The following KCNA4 variants were observed in gnomAD, a reference collection of about 807,000 sequenced individuals.
KCNA4 encodes the protein potassium voltage-gated channel subfamily A member 4, also known as cardiac potassium channel.
A neutral mutation model predicts 37.2 loss-of-function variants in KCNA4; 5 were observed. The ratio of observed to expected loss-of-function variants is 0.13; its 90% CI spans 0.07 to 0.28. KCNA4 has a LOEUF of 0.28. KCNA4 is among the 10% of genes least tolerant of loss of function. The pLI, the probability that KCNA4 is intolerant of heterozygous loss-of-function variation, is 1.00. For synonymous variants in KCNA4, 350 were observed against 311.8 expected (o/e 1.12, Z -1.29); for missense variants, 634 against 817.4 (o/e 0.78, Z 2.74).
At position 30,009,739 on chromosome 11, in the gene KCNA4, A is replaced by G. The variant is rs1468485796; in HGVS notation, c.*978T>C. 1 of 152,186 alleles carries G rather than the reference A, an allele frequency of 6.6e-6. No homozygotes were observed. Among genetic ancestry groups the G allele is most frequent in the Non-Finnish European group, 1.5e-5 (1 of 68,014 alleles). The allele number at this position is 152,186 out of a possible 1,614,324, so 9.4% of individuals were successfully genotyped here. The stretch of plus-strand genomic sequence containing the variant: ...CATTCTAACAGACCAATTTCAAAAG[A>G]TTCAGTTGCTAAATTTTACTTCATA... On this transcript the variant is annotated 3_prime_UTR_variant, in exon 2 of 2. Coordinates refer to ENST00000328224, the MANE Select transcript of KCNA4 (RefSeq NM_002233.4).
intron 1 of KCNA4, among the ~76,000 whole-genome samples, chr11:30,013,934 G>C (rs1850329174): frequency 6.6e-6 from 1 of 151,926 alleles, no homozygotes; most frequent in Non-Finnish European, 1.5e-5. Context: ...CACTGGGGAA[G>C]TCAGAAAAAA....
In KCNA4 at chr11:30,010,783, C is replaced by T; in HGVS notation, c.1896G>A (p.Lys632=). ...TTTTATCTGTCTCACTGTCATCCCC[C>T]TTTCCCTGACACTTCTCCTCCTTTG... ...LCAKEEKCQG[K]GDDSETDKNN... The change falls in exon 2 of 2, where the codon AAG becomes AAA. Residue 632 remains lysine, a synonymous_variant. Transcript: ENST00000328224. 6.2e-7 allele frequency: 1 copy of T among 1,614,156 alleles called. No homozygotes were observed. Among genetic ancestry groups the T allele is most frequent in the East Asian group, 2.2e-5 (1 of 44,882 alleles).
chr11:30,015,793 A>G (rs1410272572), intron 1 of KCNA4, among the ~76,000 whole-genome samples: 1 of 152,112 alleles, frequency 6.6e-6, no homozygotes, highest in Non-Finnish European at 1.5e-5. Flanking sequence ...AGCCTTTATG[A>G]GAGAGATCTT....
Position 30,010,945 on chromosome 11 carries a change from C to A in KCNA4, c.1734G>T (p.Gln578His), listed in dbSNP as rs758039379. ...GACAACTGACTGCATTCTGCGTTAGCTGTGTCTGTTCCTCATTTTCAGTCT... is the reference window on the plus strand; with the variant it reads ...GACAACTGACTGCATTCTGCGTTAGATGTGTCTGTTCCTCATTTTCAGTCT... ...HRETENEEQT[Q>H]LTQNAVSCPY... The change falls in exon 2 of 2, where the codon CAG (glutamine) becomes CAT (histidine). Residue 578 changes from glutamine (Q) to histidine (H), a missense_variant. By Grantham distance (24) the Gln-to-His change is conservative. This residue lies in a region of KCNA4 where 91 missense variants were observed against 95.8 expected (regional missense o/e 0.95). Transcript: ENST00000328224. 1.9e-6 allele frequency: 3 copies of A among 1,614,194 alleles called. No homozygotes were observed. Among genetic ancestry groups the A allele is most frequent in the Non-Finnish European group, 2.5e-6 (3 of 1,180,020 alleles).
intron 1 of KCNA4, among the ~76,000 whole-genome samples, chr11:30,014,680 C>T (rs1187861436): frequency 6.6e-6 from 1 of 152,092 alleles, no homozygotes; most frequent in Non-Finnish European, 1.5e-5. Flanking sequence ...CCTGGCCCTT[C>T]TTCTTCCTTA....
In KCNA4 at chr11:30,016,824, G is replaced by A. The variant is rs1850357169; in HGVS notation, c.-1035C>T. On this transcript the variant is annotated 5_prime_UTR_variant, in exon 1 of 2. Coordinates refer to ENST00000328224, the MANE Select transcript of KCNA4 (RefSeq NM_002233.4). ...GGGTGGGGGTTGGGGCTGCCCCAGAGAAGACCCCAAGACTCCTGGTTCCTC... is the reference window on the plus strand; with the variant it reads ...GGGTGGGGGTTGGGGCTGCCCCAGAAAAGACCCCAAGACTCCTGGTTCCTC... 2.5e-6 allele frequency: 1 copy of A among 395,832 alleles called. No individual in the cohort carries two copies. The highest frequency in any genetic ancestry group is 3.6e-5 in the East Asian group (1 of 27,884). The allele number at this position is 395,832 out of a possible 1,614,324, so 24.5% of individuals were successfully genotyped here.
At position 30,012,698 on chromosome 11, in the gene KCNA4, G is replaced by C; in HGVS notation, c.-20C>G. The C allele has an allele frequency of 6.6e-7, 1 of 1,517,800 alleles. No individual in the cohort carries two copies. Among genetic ancestry groups the C allele is most frequent in the Non-Finnish European group, 8.8e-7 (1 of 1,132,808 alleles). 94.0% of individuals were successfully genotyped at this position (1,517,800 alleles called of 1,614,324 possible). Reference sequence around the variant, plus strand: ...CTCCATGGTGGTGGTTTTCGGAAATGGCTGGTTCCAGTTGTAGAAGAAGAA... The same window carrying C: ...CTCCATGGTGGTGGTTTTCGGAAATCGCTGGTTCCAGTTGTAGAAGAAGAA... On this transcript the variant is annotated 5_prime_UTR_variant, in exon 2 of 2. Coordinates refer to ENST00000328224, the MANE Select transcript of KCNA4 (RefSeq NM_002233.4).
In KCNA4 at chr11:30,012,240, G is replaced by A; in HGVS notation, c.439C>T (p.His147Tyr). 1.2e-6 allele frequency: 2 copies of A among 1,613,960 alleles called. No individual in the cohort carries two copies. The highest frequency in any genetic ancestry group is 2.2e-5 in the East Asian group (1 of 44,858). The change falls in exon 2 of 2, where the codon CAT becomes TAT. Residue 147 changes from histidine (H) to tyrosine (Y), a missense_variant. Coordinates refer to ENST00000328224, the MANE Select transcript of KCNA4 (RefSeq NM_002233.4). ...EGRFYYSEDD[H>Y]GDECSYTDLL... is the part of the protein sequence containing the mutation. The stretch of plus-strand genomic sequence containing the variant: ...TCCGTGTAGGAACACTCATCACCAT[G>A]GTCATCTTCACTATAGTAAAACCTT...
Position 30,012,380 on chromosome 11 carries a change from C to T in KCNA4, c.299G>A (p.Ser100Asn). The change falls in exon 2 of 2, where the codon AGC becomes AAC. Residue 100 changes from serine to asparagine, a missense_variant. Ser to Asn is a conservative substitution (Grantham distance 46). Around this residue, in one of 8 missense-constraint regions of KCNA4, gnomAD observed 236 missense variants for 229.5 expected, o/e 1.03. Transcript: ENST00000328224. ...CAGGTCAGAGCAATGAGGGAAGCTG[C>T]TCTGCCGGTAGTGGGCTTTCTTCTT... Reference protein sequence around the residue: ...SEKKKAHYRQSSFPHCSDLMP... With the variant: ...SEKKKAHYRQNSFPHCSDLMP... 2.5e-6 allele frequency: 4 copies of T among 1,614,152 alleles called. No homozygotes were observed. Among genetic ancestry groups the T allele is most frequent in the Non-Finnish European group, 3.4e-6 (4 of 1,180,046 alleles).
rs753534545 is a variant in KCNA4 at position 30,010,343 on chromosome 11, G to C, written c.*374C>G. ...TCTTACATAGTAAATACTTCAAAAT[G>C]CCAACTTTTCCCTTCACTGCACAAT... On this transcript the variant is annotated 3_prime_UTR_variant, in exon 2 of 2. Coordinates refer to ENST00000328224, the MANE Select transcript of KCNA4 (RefSeq NM_002233.4). The C allele has an allele frequency of 1.0e-5, 2 of 200,476 alleles. No individual in the cohort carries two copies. Among genetic ancestry groups the C allele is most frequent in the Non-Finnish European group, 2.0e-5 (2 of 100,718 alleles). 12.4% of individuals were successfully genotyped at this position (200,476 alleles called of 1,614,324 possible).
rs1323955617 is a variant in KCNA4 at position 30,011,137 on chromosome 11, T to C, written c.1542A>G (p.Ala514=). 7 of 1,614,122 alleles carry C rather than the reference T, an allele frequency of 4.3e-6. No individual in the cohort carries two copies. Among genetic ancestry groups the C allele is most frequent in the Non-Finnish European group, 5.9e-6 (7 of 1,180,032 alleles). Residue 514 remains alanine (A), a synonymous_variant, in exon 2 of 2, where the codon GCA becomes GCG. Coordinates refer to ENST00000328224, the MANE Select transcript of KCNA4 (RefSeq NM_002233.4). This position sits in a 1 kb window ranked among gnomAD's most constrained non-coding sequence, Gnocchi z 5.6. ...TCATGGTCACCACAGCCCACCAAAA[T>C]GCATCTGGGATGCTTTGGAAATGGG... ...PTTHFQSIPD[A]FWWAVVTMTT... is the part of the protein sequence containing the mutation.
In KCNA4 at chr11:30,011,528, A is replaced by G. The variant is rs1172960164; in HGVS notation, c.1151T>C (p.Phe384Ser). 1 of 1,614,078 alleles carries G rather than the reference A, an allele frequency of 6.2e-7. No homozygotes were observed. Among genetic ancestry groups the G allele is most frequent in the Non-Finnish European group, 8.5e-7 (1 of 1,180,056 alleles). The change falls in exon 2 of 2, where the codon TTT becomes TCT. Residue 384 changes from phenylalanine to serine, a missense_variant. Phe to Ser is a radical substitution (Grantham distance 155). Around this residue, in one of 8 missense-constraint regions of KCNA4, gnomAD observed 252 missense variants for 344.2 expected, o/e 0.73. Transcript: ENST00000328224. The surrounding 1 kb of genome is among the most constrained non-coding windows in gnomAD (Gnocchi z 5.6). ...AGCAAAGCAGCGAACCACAAACTCA[A>G]AGGAAAACCATACAATACAGACTGT... Reference protein sequence around the residue: ...VETVCIVWFSFEFVVRCFACP... With the variant: ...VETVCIVWFSSEFVVRCFACP...
At chr11:30,015,814 T>C (rs1185971222) in intron 1 of KCNA4, among the ~76,000 whole-genome samples, 2 of 152,152 alleles carry the variant, frequency 1.3e-5, no homozygotes, top group Non-Finnish European at 2.9e-5. Flanking sequence ...TGCAGAGGAA[T>C]TTGTCTTCTT....
chr11:30,015,610 C>T (rs947204248), intron 1 of KCNA4, among the ~76,000 whole-genome samples: 3 of 152,102 alleles, frequency 2.0e-5, no homozygotes, highest in Non-Finnish European at 4.4e-5. Flanking sequence ...AAATTGCCTT[C>T]CTTTTAATCA....
At chr11:30,013,912 A>G (rs1307970387) in intron 1 of KCNA4, among the ~76,000 whole-genome samples, 1 of 152,118 alleles carries the variant, frequency 6.6e-6, no homozygotes, top group Non-Finnish European at 1.5e-5. Context: ...ACTCCTCTCT[A>G]TCTTGACTCA....
chr11:30,015,455 G>T (rs983273588), intron 1 of KCNA4, among the ~76,000 whole-genome samples: 1 of 152,174 alleles, frequency 6.6e-6, no homozygotes, highest in Admixed American at 6.5e-5. Flanking sequence ...TCATGAATTA[G>T]CGAGTCTTCT....
In KCNA4 at chr11:30,010,849, C is replaced by T. The variant is rs1191007867; in HGVS notation, c.1830G>A (p.Glu610=). 9 of 1,614,092 alleles carry T rather than the reference C, an allele frequency of 5.6e-6. No homozygotes were observed. The African/African-American group carries it at 6.7e-5, about 12-fold the overall frequency. Residue 610 remains glutamate (E), a synonymous_variant, in exon 2 of 2, where the codon GAG becomes GAA. Transcript: ENST00000328224. ...STSSSLGDKS[E]YLEMEEGVKE... ...TAACTCCTTCTTCCATCTCTAGATA[C>T]TCTGACTTGTCCCCCAGGGAAGAAG...
intron 1 of KCNA4, among the ~76,000 whole-genome samples, chr11:30,014,326 T>C (rs1315805983): frequency 2.6e-5 from 4 of 152,156 alleles, no homozygotes; most frequent in African/African-American, 9.7e-5. Flanking sequence ...TGTTTTTCTG[T>C]TCCCTTGAAT....
At chr11:30,016,193 A>G (rs1467144142) in intron 1 of KCNA4, 1 of 152,108 alleles carries the variant, frequency 6.6e-6, no homozygotes, top group African/African-American at 2.4e-5. Context: ...GGCTGTTCCC[A>G]AAAGAAGGGA....
Sources: gnomAD v4.1 joint callset for allele counts (sites outside exome capture counted in the v4.1 genomes callset) on GRCh38, gnomAD v4.1.1 for gene constraint, gnomAD v4.1.1 regional missense constraint, Gnocchi (gnomAD v3.1) non-coding constraint, MANE v1.5 for transcripts, NCBI Gene and HGNC (gene_info 2026-07-23, HGNC 2026-07-21) for gene names.